Variants in SMCHD1 observed in about 807,000 individuals in gnomAD.
The protein encoded by SMCHD1 is structural maintenance of chromosomes flexible hinge domain-containing protein 1.
Under a neutral mutation model 254.7 loss-of-function variants are expected in SMCHD1, and 78 were observed. The observed-to-expected ratio is 0.31, with a 90% confidence interval of 0.26 to 0.37. The LOEUF is 0.37. Ranked by LOEUF, SMCHD1 falls within the 10% of genes least tolerant of loss-of-function variation. SMCHD1 has a pLI of 1.00. For missense variants in SMCHD1, 1,840 were observed against 2,408.1 expected (o/e 0.76, Z 4.94); for synonymous variants, 766 against 794.9 (o/e 0.96, Z 0.61).
intron 22 of SMCHD1, among the ~76,000 whole-genome samples, chr18:2,727,570 A>C (rs1281803549): frequency 6.6e-6 from 1 of 152,088 alleles, no homozygotes; most frequent in Non-Finnish European, 1.5e-5. Context: ...ATCATGGTGT[A>C]GTGATAAAAG....
chr18:2,706,987 T>C (rs1472909180), intron 15 of SMCHD1, among the ~76,000 whole-genome samples: 1 of 152,146 alleles, frequency 6.6e-6, no homozygotes, highest in Non-Finnish European at 1.5e-5. Flanking sequence ...AAGGGGGAAC[T>C]GTCAAACACT....
At position 2,706,395 on chromosome 18, in the gene SMCHD1, C is replaced by A. The variant is rs569848506; in HGVS notation, c.1988C>A (p.Thr663Asn). 2 of 1,589,974 alleles carry A rather than the reference C, an allele frequency of 1.3e-6. No individual in the cohort carries two copies. The highest frequency in any genetic ancestry group is 2.7e-5 in the African/African-American group (2 of 74,566). ...CAGGCACTATATGATGAAGTAAGAA[C>A]TGTGCCAATTGCAAAGCTGGATAGG... The part of the protein sequence containing the change: ...EPQALYDEVR[T>N]VPIAKLDRTV... The change falls in exon 15 of 48, where the codon ACT becomes AAT. Residue 663 changes from threonine (T) to asparagine (N), a missense_variant. By Grantham distance (65) the Thr-to-Asn change is moderately conservative (BLOSUM62 0). Coordinates refer to ENST00000320876, the MANE Select transcript of SMCHD1 (RefSeq NM_015295.3).
rs1311366377 is a variant in SMCHD1 at position 2,776,030 on chromosome 18, ATTGAC to A, written c.5366+111_5366+115del. On this transcript the variant is annotated intron_variant, in intron 42 of 47. Transcript: ENST00000320876. ...CTCTAAAAGATACCTAAAACAGAGA[ATTGAC>A]TTGAATTATATACGTTATTTTTGTC... is the stretch of plus-strand genomic sequence containing the variant. 4.2e-6 allele frequency: 4 copies of A among 963,066 alleles called. No individual in the cohort carries two copies. The East Asian group carries it at 1.1e-4, about 27-fold the overall frequency. The allele number at this position is 963,066 out of a possible 1,614,324, so 59.7% of individuals were successfully genotyped here.
rs569744677 is a variant in SMCHD1 at position 2,725,572 on chromosome 18, A to G, written c.2700+577A>G. Among the ~76,000 whole-genome samples, 27 of 152,032 alleles carry G rather than the reference A, an allele frequency of 1.8e-4. No individual in the cohort carries two copies. The East Asian group carries it at 4.4e-3, about 25-fold the overall frequency. On this transcript the variant is annotated intron_variant, in intron 21 of 47. Transcript: ENST00000320876. ...GGTCTATAAAGCAGCTAATAGACTT[A>G]ACTGACTAAAAGGAACACTGTAGCA...
At chr18:2,731,778 G>A (rs186500990) in intron 24 of SMCHD1, among the ~76,000 whole-genome samples, 27 of 152,292 alleles carry the variant, frequency 1.8e-4, no homozygotes, top group Admixed American at 2.6e-4. Context: ...TTGGAAGACC[G>A]AGGCCAGTGG....
In SMCHD1 at chr18:2,708,904, A is replaced by ATT. The variant is rs1568198890; in HGVS notation, c.2260+985_2260+986insTT. Among the ~76,000 whole-genome samples, 13 of 58,738 alleles carry ATT rather than the reference A, an allele frequency of 2.2e-4. 2 individuals are homozygous for ATT. In the East Asian group the frequency reaches 2.5e-3, roughly 11 times the overall value. 38.5% of individuals were successfully genotyped at this position (58,738 alleles called of 152,430 possible). A position where few individuals can be genotyped will look rare whatever the true frequency, so the allele number is the denominator to read the frequency against. ...TATATATATATATATATATATATAT[A>ATT]TATAACATATTAACATGAAATTTAT... is the stretch of plus-strand genomic sequence containing the variant. On this transcript the variant is annotated intron_variant, in intron 17 of 47. Transcript: ENST00000320876.
intron 5 of SMCHD1, among the ~76,000 whole-genome samples, chr18:2,678,265 C>G (rs1191696332): frequency 8.0e-6 from 1 of 125,072 alleles, no homozygotes; most frequent in Non-Finnish European, 1.7e-5. Context: ...CTCTCTCTCT[C>G]TCTCTCTCCC....
At chr18:2,663,864 G>A (rs1450608320) in intron 1 of SMCHD1, among the ~76,000 whole-genome samples, 1 of 152,044 alleles carries the variant, frequency 6.6e-6, no homozygotes, top group Non-Finnish European at 1.5e-5. Flanking sequence ...ACAGGCGCCT[G>A]CCACCACGCC....
intron 5 of SMCHD1, among the ~76,000 whole-genome samples, chr18:2,685,555 G>GT (rs1173091094): frequency 6.6e-6 from 1 of 152,022 alleles, no homozygotes; most frequent in African/African-American, 2.4e-5. Flanking sequence ...TATTCCTAAA[G>GT]TTTTTTTACC....
At chr18:2,702,594 A>T in intron 12 of SMCHD1, among the ~76,000 whole-genome samples, 1 of 152,184 alleles carries the variant, frequency 6.6e-6, no homozygotes, top group East Asian at 1.9e-4. Flanking sequence ...TGATTTGCTG[A>T]TTTGGGAAAG....
chr18:2,783,097 G>A (rs2076183862), intron 44 of SMCHD1, among the ~76,000 whole-genome samples: 1 of 152,014 alleles, frequency 6.6e-6, no homozygotes, highest in African/African-American at 2.4e-5. Flanking sequence ...AAAAATTAGT[G>A]TTTTTCTTCA....
At position 2,703,743 on chromosome 18, in the gene SMCHD1, C is replaced by T; in HGVS notation, c.1699C>T (p.His567Tyr). 1 of 1,612,040 alleles carries T rather than the reference C, an allele frequency of 6.2e-7. No homozygotes were observed. The highest frequency in any genetic ancestry group is 1.1e-5 in the South Asian group (1 of 90,830). The change falls in exon 13 of 48, where the codon CAT becomes TAT. Residue 567 changes from histidine (H) to tyrosine (Y), a missense_variant. By Grantham distance (83) the His-to-Tyr change is moderately conservative. This residue lies in a region of SMCHD1 where 498 missense variants were observed against 743.5 expected (regional missense o/e 0.67). Transcript: ENST00000320876. ...ATTTGCTTTGTGGCTGAAGGACTGT[C>T]ATGAGAAGTATGATAAACAAATAAA... ...REFALWLKDC[H>Y]EKYDKQIKFT...
chr18:2,794,988 A>G (rs1170796385), intron 45 of SMCHD1, among the ~76,000 whole-genome samples: 1 of 152,026 alleles, frequency 6.6e-6, no homozygotes, highest in African/African-American at 2.4e-5. Flanking sequence ...AGAAAAGTTA[A>G]GTTTTTTGAA....
rs1239118987 is a variant in SMCHD1, at chr18:2,738,439, G to A, written c.3319G>A (p.Gly1107Ser). 6.2e-7 allele frequency: 1 copy of A among 1,609,600 alleles called. No individual in the cohort carries two copies. Among genetic ancestry groups the A allele is most frequent in the East Asian group, 2.2e-5 (1 of 44,696 alleles). Residue 1107 changes from glycine to serine, a missense_variant, in exon 26 of 48, where the codon GGT (glycine) becomes AGT (serine). By Grantham distance (56) the Gly-to-Ser change is moderately conservative. Around this residue, in one of 9 missense-constraint regions of SMCHD1, gnomAD observed 881 missense variants for 1,009.5 expected, o/e 0.87. Coordinates refer to ENST00000320876, the MANE Select transcript of SMCHD1 (RefSeq NM_015295.3). Reference sequence around the variant, plus strand: ...GATTAACAAAGAACACTTGCTACAGGGTCTGCTTCCTGATGTGCAAGTACC... The same window carrying A: ...GATTAACAAAGAACACTTGCTACAGAGTCTGCTTCCTGATGTGCAAGTACC... ...PEINKEHLLQ[G>S]LLPDVQVPTS...
intron 41 of SMCHD1, 133 bp downstream of exon 41, chr18:2,772,505 C>G: frequency 1.5e-6 from 1 of 683,930 alleles, no homozygotes; most frequent in South Asian, 3.2e-5. Flanking sequence ...TACCTGCTCT[C>G]ATTATTGCAA....
At chr18:2,687,527 T>C (rs1471899328) in intron 5 of SMCHD1, among the ~76,000 whole-genome samples, 2 of 152,148 alleles carry the variant, frequency 1.3e-5, no homozygotes, top group Non-Finnish European at 2.9e-5. Flanking sequence ...GTGTTTACAG[T>C]GATGTTGATT....
rs147034750 is a variant in SMCHD1, at chr18:2,769,782, C to T, written c.4808C>T (p.Thr1603Ile). ...FEPRLPLLSRTLEPYILPFMF... is the reference protein window; with the variant it reads ...FEPRLPLLSRILEPYILPFMF... ...CCCCGGCTACCACTTTTATCAAGAA[C>T]CTTAGAACCATATATCCTACCGTTC... The change falls in exon 38 of 48, where the codon ACC (threonine) becomes ATC (isoleucine). Residue 1603 changes from threonine to isoleucine, a missense_variant. Around this residue, in one of 9 missense-constraint regions of SMCHD1, gnomAD observed 881 missense variants for 1,009.5 expected, o/e 0.87. Transcript: ENST00000320876. 996 of 1,604,990 alleles carry T rather than the reference C, an allele frequency of 6.2e-4. 4 individuals carry two copies. The African/African-American group carries it at 8.9e-3, about 14-fold the overall frequency.
intron 45 of SMCHD1, among the ~76,000 whole-genome samples, chr18:2,792,263 A>G (rs1175987472): frequency 6.6e-6 from 1 of 152,238 alleles, no homozygotes; most frequent in African/African-American, 2.4e-5. Context: ...CTATGTTTAG[A>G]TACACAAATG....
intron 17 of SMCHD1, among the ~76,000 whole-genome samples, chr18:2,708,644 G>A (rs1225720744): frequency 4.1e-5 from 6 of 147,788 alleles, no homozygotes; most frequent in Non-Finnish European, 7.4e-5. Flanking sequence ...ACAGAGCTTC[G>A]CTCTTGTTGC....
Sources: gnomAD v4.1 joint callset for allele counts (sites outside exome capture counted in the v4.1 genomes callset) on GRCh38, gnomAD v4.1.1 for gene constraint, gnomAD v4.1.1 regional missense constraint, MANE v1.5 for transcripts, NCBI Gene and HGNC (gene_info 2026-07-23, HGNC 2026-07-21) for gene names.